Variants in ZNF385B observed in about 807,000 individuals in gnomAD.
The protein encoded by ZNF385B is zinc finger protein 385B.
ZNF385B carries 23 observed loss-of-function variants against 39.2 expected under a neutral mutation model. The ratio of observed to expected loss-of-function variants is 0.59; its 90% CI spans 0.42 to 0.83. ZNF385B has a LOEUF of 0.83. ZNF385B is among the 40% of genes least tolerant of loss of function. The pLI is 0.00. For missense variants in ZNF385B, 552 were observed against 598.9 expected, an observed-to-expected ratio of 0.92 and a Z score of 0.82; for synonymous variants, 205 against 222.6, an observed-to-expected ratio of 0.92 and a Z score of 0.70.
intron 3 of ZNF385B, among the ~76,000 whole-genome samples, chr2:179,723,217 A>G (rs1452137242): frequency 1.3e-5 from 2 of 152,202 alleles, no homozygotes; most frequent in African/African-American, 4.8e-5. Flanking sequence ...CTGGGGCTAT[A>G]GCATAAAACA....
At chr2:179,597,474 T>G (rs1378876842) in intron 3 of ZNF385B, among the ~76,000 whole-genome samples, 5 of 152,212 alleles carry the variant, frequency 3.3e-5, no homozygotes, top group Non-Finnish European at 5.9e-5. Flanking sequence ...TAACTTAATA[T>G]GTCAATGACT....
chr2:179,734,198 C>T (rs750444480), intron 3 of ZNF385B, among the ~76,000 whole-genome samples: 43 of 152,016 alleles, frequency 2.8e-4, no homozygotes, highest in Non-Finnish European at 5.3e-4. Flanking sequence ...AATAACATTG[C>T]AATAAAATCT....
intron 5 of ZNF385B, among the ~76,000 whole-genome samples, chr2:179,494,289 A>C (rs1439646931): frequency 6.6e-6 from 1 of 152,136 alleles, no homozygotes; most frequent in African/African-American, 2.4e-5. Flanking sequence ...GGGGTGTTTT[A>C]AGTCAGAAGA....
At chr2:179,493,704 TATACAC>T (rs2055681126) in intron 5 of ZNF385B, among the ~76,000 whole-genome samples, 1 of 142,626 alleles carries the variant, frequency 7.0e-6, no homozygotes, top group African/African-American at 2.5e-5. Flanking sequence ...TACATATATG[TATACAC>T]ATATGCATAT....
At chr2:179,483,920 G>A (rs2054283054) in intron 5 of ZNF385B, among the ~76,000 whole-genome samples, 1 of 152,168 alleles carries the variant, frequency 6.6e-6, no homozygotes, top group African/African-American at 2.4e-5. Context: ...GTTAATAGGT[G>A]CTACTGAGTG....
intron 3 of ZNF385B, among the ~76,000 whole-genome samples, chr2:179,700,490 T>C (rs546591015): frequency 6.6e-6 from 1 of 152,284 alleles, no homozygotes; most frequent in South Asian, 2.1e-4. Context: ...CTTTCTTTAA[T>C]GTTGCTCTCT....
At chr2:179,450,367 A>C (rs2049982923) in intron 6 of ZNF385B, among the ~76,000 whole-genome samples, 1 of 152,236 alleles carries the variant, frequency 6.6e-6, no homozygotes, top group African/African-American at 2.4e-5. Context: ...ACAAAGGGCT[A>C]ATATCCAGAA....
chr2:179,600,474 C>A (rs1349279478), intron 3 of ZNF385B, among the ~76,000 whole-genome samples: 3 of 152,096 alleles, frequency 2.0e-5, no homozygotes, highest in Admixed American at 6.5e-5. Context: ...TAATAATATT[C>A]TAGTCAAAGG....
At chr2:179,509,182 G>A (rs899598515) in intron 5 of ZNF385B, among the ~76,000 whole-genome samples, 3 of 151,934 alleles carry the variant, frequency 2.0e-5, no homozygotes, top group African/African-American at 7.3e-5. Context: ...TCCTGACGTC[G>A]TGATCCATCA....
intron 3 of ZNF385B, among the ~76,000 whole-genome samples, chr2:179,728,972 A>G (rs1701198397): frequency 6.6e-6 from 1 of 152,106 alleles, no homozygotes; most frequent in Non-Finnish European, 1.5e-5. Context: ...AAAAGATTCA[A>G]GTAGATTATG....
At chr2:179,462,739 G>A (rs1483317560) in intron 6 of ZNF385B, among the ~76,000 whole-genome samples, 1 of 152,058 alleles carries the variant, frequency 6.6e-6, no homozygotes, top group African/African-American at 2.4e-5. Flanking sequence ...TAGTGTAATG[G>A]GACTACACCT....
intron 3 of ZNF385B, among the ~76,000 whole-genome samples, chr2:179,606,117 T>C (rs1399077745): frequency 6.6e-6 from 1 of 152,124 alleles, no homozygotes; most frequent in Non-Finnish European, 1.5e-5. Flanking sequence ...AAACTAACCA[T>C]ATCTGTTAAC....
intron 4 of ZNF385B, among the ~76,000 whole-genome samples, chr2:179,538,251 C>A (rs2059707357): frequency 6.6e-6 from 1 of 151,800 alleles, no homozygotes; most frequent in East Asian, 1.9e-4. Context: ...ATTTGGGTTG[C>A]AAAAGTATTC....
chr2:179,814,614 G>A, intron 1 of ZNF385B: 3 of 566,584 alleles, frequency 5.3e-6, no homozygotes, highest in South Asian at 4.8e-5. Context: ...GGACTGTAGG[G>A]CCCTCAATGG....
intron 3 of ZNF385B, among the ~76,000 whole-genome samples, chr2:179,564,681 AG>A (rs1684349803): frequency 6.6e-6 from 1 of 152,160 alleles, no homozygotes; most frequent in Admixed American, 6.5e-5. Flanking sequence ...AGGGTTCTGA[AG>A]GCCTCTATCA....
rs78598517 is a variant in ZNF385B, at chr2:179,494,061, C to T, written c.553-10627G>A. ...ACACCTATGAACATGTTATATAATG[C>T]TATAAAAAAATAAAGACAAGTAAGG... On this transcript the variant is annotated intron_variant, in intron 5 of 9. Coordinates refer to ENST00000410066, the MANE Select transcript of ZNF385B (RefSeq NM_152520.6). 5.8e-3 allele frequency among the ~76,000 whole-genome samples: 879 copies of T among 151,334 alleles called. 6 individuals are homozygous for T. The highest frequency in any genetic ancestry group is 0.02 in the African/African-American group (833 of 41,278).
At chr2:179,504,000 A>G (rs2057008177) in intron 5 of ZNF385B, among the ~76,000 whole-genome samples, 1 of 148,828 alleles carries the variant, frequency 6.7e-6, no homozygotes, top group Admixed American at 6.7e-5. Context: ...AGCATTAGGT[A>G]TATCTCCCAG....
intron 3 of ZNF385B, among the ~76,000 whole-genome samples, chr2:179,611,164 A>G (rs1323972690): frequency 6.6e-6 from 1 of 152,120 alleles, no homozygotes; most frequent in Non-Finnish European, 1.5e-5. Flanking sequence ...TCATTTTGAT[A>G]CTAGCTGTGG....
chr2:179,648,134 T>C (rs940230620), intron 3 of ZNF385B, among the ~76,000 whole-genome samples: 10 of 152,008 alleles, frequency 6.6e-5, no homozygotes, highest in Non-Finnish European at 1.5e-4. Flanking sequence ...GGGACTCAGC[T>C]TGCCATGGGG....
Sources: gnomAD v4.1 joint callset for allele counts (sites outside exome capture counted in the v4.1 genomes callset) on GRCh38, gnomAD v4.1.1 for gene constraint, MANE v1.5 for transcripts, NCBI Gene and HGNC (gene_info 2026-07-23, HGNC 2026-07-21) for gene names.